PGAM5: variants seen among roughly 807,000 people sequenced by gnomAD.
PGAM5 encodes the protein PGAM family member 5, mitochondrial serine/threonine protein phosphatase.
In PGAM5, 25 loss-of-function variants were observed where a neutral mutation model predicts 30.6. That is an observed-to-expected ratio of 0.82 (90% CI 0.60 to 1.14). The LOEUF is 1.14. PGAM5 is among the 50% of genes most tolerant of loss of function. PGAM5 has a pLI of 0.00. For missense variants in PGAM5, 384 were observed against 408.5 expected (o/e 0.94, Z 0.52); for synonymous variants, 201 against 179.1 (o/e 1.12, Z -0.98).
Position 132,717,422 on chromosome 12 carries a change from T to C in PGAM5, c.371-17T>C. 2 of 1,581,940 alleles carry C rather than the reference T, an allele frequency of 1.3e-6. No homozygotes were observed. The highest frequency in any genetic ancestry group is 1.1e-5 in the South Asian group (1 of 90,656). On this transcript the variant is annotated splice_polypyrimidine_tract_variant and intron_variant, in intron 2 of 5. Transcript: ENST00000498926. ...AGGGGGTGCAGGTGCGGCACTCAGG[T>C]GCCTTTCACCTTCCAGGTCGGGAGC...
intron 5 of PGAM5, chr12:132,718,992 C>G (rs913640633): frequency 1.4e-6 from 2 of 1,445,742 alleles, no homozygotes; most frequent in South Asian, 1.4e-5. Context: ...CAGAATGATC[C>G]GGGTTCAGGT....
intron 2 of PGAM5, among the ~76,000 whole-genome samples, chr12:132,715,638 G>A (rs1394951212): frequency 6.7e-6 from 1 of 150,244 alleles, no homozygotes; most frequent in Non-Finnish European, 1.5e-5. Flanking sequence ...CAACACTTTG[G>A]GAGGCCGAGG....
chr12:132,720,102 G>A (rs948634159), intron 5 of PGAM5, among the ~76,000 whole-genome samples: 1 of 152,184 alleles, frequency 6.6e-6, no homozygotes, highest in African/African-American at 2.4e-5. Flanking sequence ...CATTCATGTC[G>A]ATCCCAGTCA....
At chr12:132,720,231 C>G (rs2043629219) in intron 5 of PGAM5, among the ~76,000 whole-genome samples, 1 of 152,146 alleles carries the variant, frequency 6.6e-6, no homozygotes, top group Admixed American at 6.5e-5. Flanking sequence ...GGGGCTCAGC[C>G]TCTGTTTGTA....
intron 1 of PGAM5, among the ~76,000 whole-genome samples, chr12:132,713,269 C>T (rs987284462): frequency 6.6e-6 from 1 of 152,130 alleles, no homozygotes; most frequent in African/African-American, 2.4e-5. Context: ...GTGAATTGGG[C>T]CTTGTGGGTT....
intron 5 of PGAM5, among the ~76,000 whole-genome samples, chr12:132,719,761 G>A (rs1432706916): frequency 2.6e-5 from 4 of 152,254 alleles, no homozygotes; most frequent in Admixed American, 6.5e-5. Flanking sequence ...GAGGAGGCTC[G>A]GGAAGCAGCG....
At position 132,714,900 on chromosome 12, in the gene PGAM5, GGAATCTGGGGAA is replaced by G. The variant is rs750025447; in HGVS notation, c.238_249del (p.Ser80_Glu83del). The stretch of plus-strand genomic sequence containing the variant: ...TGATCAACGTGCGGAAGAGGAACGT[GGAATCTGGGGAA>G]GAAGAGCTGGCGTCCAAGCTGGACC... On this transcript the variant is annotated inframe_deletion, in exon 2 of 6. Transcript: ENST00000498926. 2 of 1,613,766 alleles carry G rather than the reference GGAATCTGGGGAA, an allele frequency of 1.2e-6. No homozygotes were observed. The highest frequency in any genetic ancestry group is 1.7e-5 in the Admixed American group (1 of 60,028).
rs1322448662 is a variant in PGAM5 at position 132,717,572 on chromosome 12, C to T, written c.496+8C>T. 2 of 1,610,390 alleles carry T rather than the reference C, an allele frequency of 1.2e-6. No individual in the cohort carries two copies. The highest frequency in any genetic ancestry group is 2.7e-5 in the African/African-American group (2 of 75,042). On this transcript the variant is annotated splice_region_variant and intron_variant, in intron 3 of 5. Coordinates refer to ENST00000498926, the MANE Select transcript of PGAM5 (RefSeq NM_001170543.2). ...TCAGCCGGCACCTGCCAGGTGAGTGCTGCGCGCGGGGCCTCCATGCTTGCA... is the reference window on the plus strand; with the variant it reads ...TCAGCCGGCACCTGCCAGGTGAGTGTTGCGCGCGGGGCCTCCATGCTTGCA...
chr12:132,711,074 G>A lies in PGAM5; in HGVS notation c.191+7G>A. On this transcript the variant is annotated splice_region_variant and intron_variant, in intron 1 of 5. Coordinates refer to ENST00000498926, the MANE Select transcript of PGAM5 (RefSeq NM_001170543.2). ...GGGACCCCAACTGGGACAGGTGCGC[G>A]CGGGGCTGTTTGGGGCCGGGGTCGG... 1.7e-6 allele frequency: 2 copies of A among 1,210,324 alleles called. No homozygotes were observed. Among genetic ancestry groups the A allele is most frequent in the Non-Finnish European group, 2.1e-6 (2 of 973,596 alleles). 75.0% of individuals were successfully genotyped at this position (1,210,324 alleles called of 1,614,324 possible).
chr12:132,713,793 G>T (rs1390321753), intron 1 of PGAM5, among the ~76,000 whole-genome samples: 1 of 151,874 alleles, frequency 6.6e-6, no homozygotes, highest in African/African-American at 2.4e-5. Context: ...TCAGCCTCCT[G>T]AGTAGCCGGG....
intron 2 of PGAM5, 88 bp from the exon 3 acceptor site, chr12:132,717,351 G>A (rs1270106052): frequency 7.1e-7 from 1 of 1,402,510 alleles, no homozygotes; most frequent in Non-Finnish European, 9.5e-7. Flanking sequence ...TGAGGGTGGA[G>A]GAGGGCGTGT....
chr12:132,715,487 T>C (rs374412439), intron 2 of PGAM5, among the ~76,000 whole-genome samples: 2,015 of 145,380 alleles, frequency 0.014, 21 homozygotes, highest in Non-Finnish European at 0.021. Context: ...AGGAGAATGG[T>C]GTGAACCCTG....
chr12:132,717,660 C>T (rs745483843), intron 3 of PGAM5, 50 bp from the exon 4 acceptor site: 6 of 1,574,258 alleles, frequency 3.8e-6, no homozygotes, highest in South Asian at 1.1e-5. Flanking sequence ...GTCACAGCAT[C>T]TCCGCCGGCG....
intron 1 of PGAM5, 24 bp downstream of exon 1, chr12:132,711,091 C>A: frequency 5.8e-6 from 7 of 1,199,520 alleles, no homozygotes; most frequent in Non-Finnish European, 7.2e-6. Flanking sequence ...TGTTTGGGGC[C>A]GGGGTCGGGA....
In PGAM5 at chr12:132,722,645, G is replaced by A. The variant is rs965886440; in HGVS notation, c.*1817G>A. 6.6e-6 allele frequency: 1 copy of A among 152,214 alleles called. No individual in the cohort carries two copies. Among genetic ancestry groups the A allele is most frequent in the Admixed American group, 6.5e-5 (1 of 15,284 alleles). 9.4% of individuals were successfully genotyped at this position (152,214 alleles called of 1,614,324 possible). ...TATGAAGTGGTTGTGACTATTTTCT[G>A]TAGTCAATACAGTTGGGATATCTGA... On this transcript the variant is annotated 3_prime_UTR_variant, in exon 6 of 6. Coordinates refer to ENST00000498926, the MANE Select transcript of PGAM5 (RefSeq NM_001170543.2).
Position 132,720,858 on chromosome 12 carries a change from C to T in PGAM5, c.*30C>T. ...TCCGGCCTCTCCTTCCCTCTGTCCT[C>T]CCTGCACAGGCCGCACACACTTAAC... On this transcript the variant is annotated 3_prime_UTR_variant, in exon 6 of 6. Coordinates refer to ENST00000498926, the MANE Select transcript of PGAM5 (RefSeq NM_001170543.2). The T allele has an allele frequency of 6.5e-7, 1 of 1,530,534 alleles. No homozygotes were observed. Among genetic ancestry groups the T allele is most frequent in the Non-Finnish European group, 8.7e-7 (1 of 1,143,054 alleles). 94.8% of individuals were successfully genotyped at this position (1,530,534 alleles called of 1,614,324 possible).
At chr12:132,715,380 G>T (rs2043565144) in intron 2 of PGAM5, among the ~76,000 whole-genome samples, 1 of 151,048 alleles carries the variant, frequency 6.6e-6, no homozygotes, top group Non-Finnish European at 1.5e-5. Flanking sequence ...AGACCAGCCT[G>T]GCCAACCCGG....
At chr12:132,718,159 TCAGACTTAGA>T (rs1250063114) in intron 5 of PGAM5, 39 bp downstream of exon 5, 1 of 1,609,822 alleles carries the variant, frequency 6.2e-7, no homozygotes, top group East Asian at 2.2e-5. Flanking sequence ...TAAAATAATT[TCAGACTTAGA>T]GAAAAGCATG....
At chr12:132,718,215 A>G in intron 5 of PGAM5, 95 bp downstream of exon 5, 1 of 1,509,156 alleles carries the variant, frequency 6.6e-7, no homozygotes, top group Non-Finnish European at 8.9e-7. Flanking sequence ...TCCACTGCCG[A>G]TGCCACCCTA....
Sources: allele counts gnomAD v4.1 joint callset (sites outside exome capture counted in the v4.1 genomes callset), GRCh38; gene constraint gnomAD v4.1.1; transcripts MANE v1.5; gene names NCBI Gene and HGNC (gene_info 2026-07-23, HGNC 2026-07-21).